Variants in ARHGAP26 observed in about 807,000 individuals in gnomAD.
ARHGAP26 encodes the protein Rho GTPase activating protein 26, also known as rho GTPase-activating protein 26.
Under a neutral mutation model 104.8 loss-of-function variants are expected in ARHGAP26, and 38 were observed. The observed-to-expected ratio is 0.36, with a 90% confidence interval of 0.28 to 0.48. The LOEUF (loss-of-function observed/expected upper bound fraction) is 0.48, where lower values mean the gene tolerates loss of function less well. ARHGAP26 is among the 20% of genes least tolerant of loss of function. The pLI is 0.99. For missense variants in ARHGAP26, 704 were observed against 947.9 expected, an observed-to-expected ratio of 0.74 and a Z score of 3.38; for synonymous variants, 341 against 340.0, an observed-to-expected ratio of 1.00 and a Z score of -0.03.
At chr5:142,818,723 C>T (rs928906387) in intron 1 of ARHGAP26, among the ~76,000 whole-genome samples, 2 of 152,154 alleles carry the variant, frequency 1.3e-5, no homozygotes, top group Non-Finnish European at 2.9e-5. Flanking sequence ...GAGCCCGATT[C>T]ACATGCTAAC....
intron 10 of ARHGAP26, 25 bp downstream of exon 10, chr5:142,913,318 A>G (rs1276244863): frequency 2.5e-6 from 4 of 1,591,138 alleles, no homozygotes; most frequent in Non-Finnish European, 3.5e-6. Flanking sequence ...TGCTTTTCTC[A>G]GGAGCAAATA....
chr5:143,218,066 C>T (rs968490122), intron 22 of ARHGAP26, among the ~76,000 whole-genome samples: 1 of 152,152 alleles, frequency 6.6e-6, no homozygotes, highest in Non-Finnish European at 1.5e-5. Flanking sequence ...AAATCCAACC[C>T]GCCACCTGTT....
intron 1 of ARHGAP26, among the ~76,000 whole-genome samples, chr5:142,810,151 A>G (rs1383432871): frequency 6.6e-6 from 1 of 152,188 alleles, no homozygotes; most frequent in Non-Finnish European, 1.5e-5. Context: ...TCTTCTCAAA[A>G]TGATACTTTA....
At chr5:143,009,135 T>G (rs1351440060) in intron 11 of ARHGAP26, among the ~76,000 whole-genome samples, 1 of 152,086 alleles carries the variant, frequency 6.6e-6, no homozygotes, top group African/African-American at 2.4e-5. Context: ...GAAGTGTTAC[T>G]TCTATACTAG....
In ARHGAP26 at chr5:142,787,460, G is replaced by A. The variant is rs534179160; in HGVS notation, c.154+16545G>A. Among the ~76,000 whole-genome samples the A allele has an allele frequency of 1.4e-4, 22 of 152,316 alleles. No homozygotes were observed. In the South Asian group the frequency reaches 2.5e-3, roughly 17 times the overall value. ...GGGTATGAGATCTGAGTCTTTGCAGGTGCTCGATCTAGAATCTCCAGGGAG... is the reference window on the plus strand; with the variant it reads ...GGGTATGAGATCTGAGTCTTTGCAGATGCTCGATCTAGAATCTCCAGGGAG... On this transcript the variant is annotated intron_variant, in intron 1 of 22. Coordinates refer to ENST00000645722, the MANE Select transcript of ARHGAP26 (RefSeq NM_001135608.3).
At chr5:143,139,584 G>A (rs1449243119) in intron 19 of ARHGAP26, among the ~76,000 whole-genome samples, 1 of 152,128 alleles carries the variant, frequency 6.6e-6, no homozygotes, top group Non-Finnish European at 1.5e-5. Flanking sequence ...GTGCGTCCTG[G>A]CAGGCTGCAG....
chr5:143,025,256 C>A (rs1434474616), intron 12 of ARHGAP26, among the ~76,000 whole-genome samples: 2 of 152,158 alleles, frequency 1.3e-5, no homozygotes, highest in African/African-American at 4.8e-5. Context: ...CCAGCTTACA[C>A]AAGCAGTTTG....
chr5:143,038,084 A>G (rs1417651060), intron 13 of ARHGAP26, among the ~76,000 whole-genome samples: 1 of 152,236 alleles, frequency 6.6e-6, no homozygotes, highest in African/African-American at 2.4e-5. Context: ...TGTACCGCTG[A>G]GAAAAGCTAT....
At chr5:142,904,272 CTTGAG>C (rs1317258916) in intron 8 of ARHGAP26, among the ~76,000 whole-genome samples, 1 of 152,034 alleles carries the variant, frequency 6.6e-6, no homozygotes, top group Non-Finnish European at 1.5e-5. Context: ...CGGTGGATTG[CTTGAG>C]CTCAGGAGTT....
chr5:143,035,984 A>G (rs748645802), intron 12 of ARHGAP26, among the ~76,000 whole-genome samples: 2 of 151,164 alleles, frequency 1.3e-5, no homozygotes, highest in African/African-American at 2.4e-5. Flanking sequence ...GTAACCAAAC[A>G]CCACCTGTTC....
At chr5:142,893,498 C>T (rs1352959476) in intron 5 of ARHGAP26, among the ~76,000 whole-genome samples, 2 of 152,168 alleles carry the variant, frequency 1.3e-5, no homozygotes, top group Non-Finnish European at 2.9e-5. Context: ...ATCCATTCAT[C>T]CATTGAACAC....
intron 12 of ARHGAP26, among the ~76,000 whole-genome samples, chr5:143,023,309 T>C (rs1016773116): frequency 2.0e-5 from 3 of 152,222 alleles, no homozygotes; most frequent in Non-Finnish European, 4.4e-5. Context: ...TTGCTCTGTT[T>C]CCTATTGTTG....
At chr5:142,898,612 G>T (rs867853703) in intron 6 of ARHGAP26, among the ~76,000 whole-genome samples, 1 of 151,918 alleles carries the variant, frequency 6.6e-6, no homozygotes, top group East Asian at 2.0e-4. Flanking sequence ...TAACACGTCA[G>T]TCTGATTCTC....
chr5:143,035,701 C>T (rs756041668), intron 12 of ARHGAP26, among the ~76,000 whole-genome samples: 15 of 152,008 alleles, frequency 9.9e-5, no homozygotes, highest in East Asian at 7.7e-4. Context: ...TTTGGGAGGC[C>T]GAGGCGGGTA....
chr5:142,966,007 C>T (rs1771259251), intron 11 of ARHGAP26, among the ~76,000 whole-genome samples: 3 of 152,176 alleles, frequency 2.0e-5, no homozygotes, highest in Admixed American at 1.3e-4. Context: ...CTCCTTTTCC[C>T]CTTGCATTTT....
chr5:142,961,151 C>G (rs533911243), intron 11 of ARHGAP26, among the ~76,000 whole-genome samples: 1 of 152,212 alleles, frequency 6.6e-6, no homozygotes. Flanking sequence ...ATGTCTAGAT[C>G]AGAGCCAGGC....
chr5:143,111,665 TAGAG>T (rs1288623277), intron 17 of ARHGAP26, among the ~76,000 whole-genome samples: 14 of 152,228 alleles, frequency 9.2e-5, no homozygotes, highest in Non-Finnish European at 2.9e-5. Flanking sequence ...GACACTGTCT[TAGAG>T]AGCTATTAAA....
chr5:143,026,579 C>A (rs564097065), intron 12 of ARHGAP26, among the ~76,000 whole-genome samples: 12 of 151,968 alleles, frequency 7.9e-5, no homozygotes, highest in Non-Finnish European at 1.6e-4. Flanking sequence ...TACTTGTGTT[C>A]TAGGAATATC....
At chr5:143,204,067 TTA>T (rs1491567323) in intron 20 of ARHGAP26, among the ~76,000 whole-genome samples, 2 of 137,892 alleles carry the variant, frequency 1.5e-5, no homozygotes, top group African/African-American at 6.9e-5. Flanking sequence ...TAAAGTATAA[TTA>T]AAAAAAAAAA....
Sources: allele counts gnomAD v4.1 joint callset (sites outside exome capture counted in the v4.1 genomes callset), GRCh38; gene constraint gnomAD v4.1.1; transcripts MANE v1.5; gene names NCBI Gene and HGNC (gene_info 2026-07-23, HGNC 2026-07-21).